Variants in PLEKHD1 observed in about 807,000 individuals in gnomAD.
PLEKHD1 encodes pleckstrin homology domain-containing family D member 1.
Under a neutral mutation model 69.2 loss-of-function variants are expected in PLEKHD1, and 51 were observed. That is an observed-to-expected ratio of 0.74 (90% CI 0.59 to 0.93). PLEKHD1 has a LOEUF of 0.93. PLEKHD1 is among the 40% of genes least tolerant of loss of function. PLEKHD1 has a pLI of 0.00. For synonymous variants in PLEKHD1, 236 were observed against 244.7 expected (o/e 0.96, Z 0.33); for missense variants, 584 against 641.0 (o/e 0.91, Z 0.96).
intron 1 of PLEKHD1, among the ~76,000 whole-genome samples, chr14:69,487,596 C>G (rs909497442): frequency 6.6e-6 from 1 of 152,234 alleles, no homozygotes. Flanking sequence ...ACCTGTGCCT[C>G]CAGCTTCCAC....
At chr14:69,505,055 A>C (rs1481227292) in intron 6 of PLEKHD1, among the ~76,000 whole-genome samples, 1 of 152,242 alleles carries the variant, frequency 6.6e-6, no homozygotes, top group Non-Finnish European at 1.5e-5. Flanking sequence ...GTCTTTAGCC[A>C]GGAAATTAGG....
intron 6 of PLEKHD1, among the ~76,000 whole-genome samples, chr14:69,507,337 A>T (rs915785502): frequency 7.2e-5 from 11 of 152,160 alleles, no homozygotes. Context: ...GTGGCTTGAT[A>T]GCTCATTTCT....
chr14:69,494,248 C>T (rs1459107605), intron 1 of PLEKHD1, among the ~76,000 whole-genome samples: 3 of 152,146 alleles, frequency 2.0e-5, no homozygotes, highest in Non-Finnish European at 4.4e-5. Context: ...TTATTATCCT[C>T]AAGTTGCACG....
At chr14:69,480,512 C>T (rs1168000311), upstream of PLEKHD1, among the ~76,000 whole-genome samples, 1 of 152,206 alleles carries the variant, frequency 6.6e-6, no homozygotes, top group Non-Finnish European at 1.5e-5. Flanking sequence ...CCACTTTTGT[C>T]CAGGTTGCTG....
At chr14:69,518,025 TA>T (rs1229622317) in intron 6 of PLEKHD1, among the ~76,000 whole-genome samples, 1 of 18,634 alleles carries the variant, frequency 5.4e-5, no homozygotes. Flanking sequence ...TTTATTTATT[TA>T]TTTATTTGTT....
At chr14:69,500,472 A>G (rs958616515) in intron 2 of PLEKHD1, 105 bp from the exon 3 acceptor site, 3 of 917,238 alleles carry the variant, frequency 3.3e-6, no homozygotes, top group Admixed American at 5.6e-5. Flanking sequence ...TCTAGCTTCC[A>G]TCCTGGGGCA....
At chr14:69,477,309 A>G in the PLEKHD1 span, among the ~76,000 whole-genome samples, 1 of 152,176 alleles carries the variant, frequency 6.6e-6, no homozygotes, top group African/African-American at 2.4e-5. Flanking sequence ...CCATGATTCA[A>G]CTACCTCCCA....
At chr14:69,484,263 G>A (rs959130501), upstream of PLEKHD1, among the ~76,000 whole-genome samples, 1 of 152,248 alleles carries the variant, frequency 6.6e-6, no homozygotes, top group African/African-American at 2.4e-5. Context: ...GGGGAGAAAA[G>A]CCAGACCGCC....
In PLEKHD1 at chr14:69,497,732, G is replaced by A. The variant is rs1187151255; in HGVS notation, c.150-2383G>A. ...GAAGAGGTCAGGTGCTGGCAGGCCT[G>A]GAATGTCACTGAGGTTCTGCAGCAG... On this transcript the variant is annotated intron_variant, in intron 1 of 12. Coordinates refer to ENST00000322564, the MANE Select transcript of PLEKHD1 (RefSeq NM_001161498.2). Among the ~76,000 whole-genome samples, 4 of 152,234 alleles carry A rather than the reference G, an allele frequency of 2.6e-5. No individual in the cohort carries two copies. In the East Asian group the frequency reaches 7.7e-4, roughly 29 times the overall value.
chr14:69,491,453 G>A (rs1215723074), intron 1 of PLEKHD1, among the ~76,000 whole-genome samples: 1 of 152,164 alleles, frequency 6.6e-6, no homozygotes, highest in Non-Finnish European at 1.5e-5. Context: ...TCTGCACTCT[G>A]CCATCACTCC....
intron 1 of PLEKHD1, among the ~76,000 whole-genome samples, chr14:69,488,546 T>TA (rs1262608116): frequency 6.6e-6 from 1 of 152,076 alleles, no homozygotes; most frequent in African/African-American, 2.4e-5. Context: ...GGACCCCCTT[T>TA]AAAAAATAAA....
intron 1 of PLEKHD1, among the ~76,000 whole-genome samples, chr14:69,496,487 C>T (rs948979983): frequency 4.6e-5 from 7 of 151,994 alleles, no homozygotes; most frequent in Admixed American, 4.6e-4. Flanking sequence ...CAATATGTCC[C>T]CACACGGTGG....
the PLEKHD1 span, among the ~76,000 whole-genome samples, chr14:69,476,425 C>T: frequency 2.6e-5 from 4 of 151,298 alleles, no homozygotes; most frequent in South Asian, 2.1e-4. Context: ...ATTAGTTAGA[C>T]GTTTTGGCAT....
chr14:69,509,630 T>C (rs184217638), intron 6 of PLEKHD1, among the ~76,000 whole-genome samples: 151 of 152,190 alleles, frequency 9.9e-4, no homozygotes, highest in African/African-American at 3.5e-3. Flanking sequence ...GTTGTTCAAG[T>C]ACCATATGTT....
upstream of PLEKHD1, among the ~76,000 whole-genome samples, chr14:69,482,031 G>C (rs554818063): frequency 3.3e-5 from 5 of 152,276 alleles, no homozygotes; most frequent in African/African-American, 1.2e-4. Flanking sequence ...GGTTAGTCAA[G>C]GGGAACAGAA....
At chr14:69,518,108 T>G (rs567395217) in intron 6 of PLEKHD1, among the ~76,000 whole-genome samples, 1 of 152,236 alleles carries the variant, frequency 6.6e-6, no homozygotes, top group East Asian at 1.9e-4. Flanking sequence ...CTCGGCTCAC[T>G]GCAACCTCTG....
upstream of PLEKHD1, among the ~76,000 whole-genome samples, chr14:69,484,503 C>G (rs2139487167): frequency 6.6e-6 from 1 of 152,214 alleles, no homozygotes; most frequent in East Asian, 1.9e-4. Context: ...GCGCTGCGGC[C>G]AAGTCCCCGG....
chr14:69,528,216 T>G (rs1306458318), intron 12 of PLEKHD1, 34 bp from the exon 13 acceptor site: 1 of 1,550,604 alleles, frequency 6.4e-7, no homozygotes, highest in Non-Finnish European at 8.7e-7. Flanking sequence ...GAGGGAGCAC[T>G]GTTCACAGGG....
intron 6 of PLEKHD1, among the ~76,000 whole-genome samples, chr14:69,513,049 C>T (rs751116599): frequency 6.6e-6 from 1 of 151,868 alleles, no homozygotes; most frequent in Non-Finnish European, 1.5e-5. Context: ...TACCACTGCA[C>T]TTCAGCCTGG....
Sources: allele counts gnomAD v4.1 joint callset (sites outside exome capture counted in the v4.1 genomes callset), GRCh38; gene constraint gnomAD v4.1.1; transcripts MANE v1.5; gene names NCBI Gene and HGNC (gene_info 2026-07-23, HGNC 2026-07-21).